The following BICDL1 variants were observed in gnomAD, a reference collection of about 807,000 sequenced individuals.
BICDL1 encodes BICD family-like cargo adapter 1.
Under a neutral mutation model 76.8 loss-of-function variants are expected in BICDL1, and 20 were observed. That is an observed-to-expected ratio of 0.26 (90% CI 0.18 to 0.38). The LOEUF (loss-of-function observed/expected upper bound fraction) is 0.38. BICDL1 is among the 10% of genes least tolerant of loss of function. BICDL1 has a pLI of 1.00. For missense variants in BICDL1, 700 were observed against 798.6 expected (o/e 0.88, Z 1.49); for synonymous variants, 383 against 337.1 (o/e 1.14, Z -1.49).
intron 2 of BICDL1, among the ~76,000 whole-genome samples, chr12:120,016,235 C>T (rs1423025054): frequency 1.3e-5 from 2 of 152,082 alleles, no homozygotes; most frequent in African/African-American, 4.8e-5. Context: ...ATAATAGTTC[C>T]TTTTTTAGTA....
Position 120,093,105 on chromosome 12 carries a change from GA to G in BICDL1, c.1811del (p.Asp604ValfsTer57). ...LCRGHSAGRGDEPSIAEGKRL... is the reference protein window; with the variant it reads ...LCRGHSAGRGXEPSIAEGKRL... Reference sequence around the variant, plus strand: ...CAGGGGCCACAGCGCTGGGCGGGGGGATGAGCCCAGCATCGCTGAAGGCAAA... The same window carrying G: ...CAGGGGCCACAGCGCTGGGCGGGGGGTGAGCCCAGCATCGCTGAAGGCAAA... On this transcript the variant is annotated frameshift_variant, in exon 10 of 10. Transcript: ENST00000548673. LOFTEE classifies it high-confidence loss of function. 1 of 1,590,832 alleles carries G rather than the reference GA, an allele frequency of 6.3e-7. No individual in the cohort carries two copies. Among genetic ancestry groups the G allele is most frequent in the South Asian group, 1.1e-5 (1 of 90,696 alleles).
At chr12:119,991,625 T>A (rs931940374) in intron 1 of BICDL1, among the ~76,000 whole-genome samples, 13 of 152,218 alleles carry the variant, frequency 8.5e-5, no homozygotes, top group Non-Finnish European at 1.8e-4. Flanking sequence ...CTTTTTTTTT[T>A]ATAAAGAGAT....
chr12:120,082,920 A>C (rs1298587659), intron 8 of BICDL1, among the ~76,000 whole-genome samples: 1 of 151,662 alleles, frequency 6.6e-6, no homozygotes, highest in African/African-American at 2.4e-5. Flanking sequence ...TCACTCTGTC[A>C]CCCATGCTCA....
At chr12:120,047,935 C>T (rs7312971) in intron 2 of BICDL1, among the ~76,000 whole-genome samples, 33,279 of 152,028 alleles carry the variant, frequency 0.22, 3,931 homozygotes, top group East Asian at 0.4. Flanking sequence ...TTATATCTCT[C>T]ATAGGGACAT....
intron 2 of BICDL1, among the ~76,000 whole-genome samples, chr12:120,021,210 G>T (rs1462565434): frequency 6.6e-6 from 1 of 152,036 alleles, no homozygotes; most frequent in Admixed American, 6.6e-5. Flanking sequence ...CTTGAACCCA[G>T]AAGGCAGAGG....
chr12:120,067,885 C>T (rs1872768735), intron 4 of BICDL1, among the ~76,000 whole-genome samples: 1 of 152,152 alleles, frequency 6.6e-6, no homozygotes. Context: ...TGAGTCTCCT[C>T]AAAACTGGGG....
intron 2 of BICDL1, among the ~76,000 whole-genome samples, chr12:120,033,984 C>G (rs1054258843): frequency 2.0e-5 from 3 of 152,130 alleles, no homozygotes; most frequent in African/African-American, 7.2e-5. Flanking sequence ...ATGGAGTGTT[C>G]AGGCATTGGC....
At chr12:120,015,322 A>G (rs1032920061) in intron 2 of BICDL1, among the ~76,000 whole-genome samples, 1 of 152,198 alleles carries the variant, frequency 6.6e-6, no homozygotes, top group South Asian at 2.1e-4. Flanking sequence ...AAGAAAGGGC[A>G]TGGCATTCAA....
chr12:120,069,651 A>G (rs1416579782), intron 4 of BICDL1, among the ~76,000 whole-genome samples: 4 of 151,802 alleles, frequency 2.6e-5, no homozygotes, highest in Non-Finnish European at 5.9e-5. Context: ...TCCCGTTTCC[A>G]CCTCCGGCTC....
intron 2 of BICDL1, among the ~76,000 whole-genome samples, chr12:120,010,992 T>C (rs916838457): frequency 6.6e-6 from 1 of 152,210 alleles, no homozygotes; most frequent in Non-Finnish European, 1.5e-5. Context: ...TACAGTTTTA[T>C]TCGTTAATAC....
chr12:120,024,969 C>T (rs143259945), intron 2 of BICDL1, among the ~76,000 whole-genome samples: 3 of 152,086 alleles, frequency 2.0e-5, no homozygotes, highest in East Asian at 1.9e-4. Flanking sequence ...CGAGCCACCG[C>T]ACCCAGCCAA....
intron 1 of BICDL1, 32 bp downstream of exon 1, chr12:119,990,329 G>A: frequency 6.5e-7 from 1 of 1,545,882 alleles, no homozygotes; most frequent in South Asian, 1.2e-5. Flanking sequence ...TGGGTGGGGA[G>A]CAGGGGCCGC....
At chr12:120,025,655 A>G (rs1952284228) in intron 2 of BICDL1, among the ~76,000 whole-genome samples, 1 of 152,168 alleles carries the variant, frequency 6.6e-6, no homozygotes, top group South Asian at 2.1e-4. Flanking sequence ...TTAAATATGT[A>G]CAGGTTACCA....
rs553448218 is a variant in BICDL1 at position 120,081,136 on chromosome 12, C to T, written c.1583+119C>T. On this transcript the variant is annotated intron_variant, in intron 8 of 9. Coordinates refer to ENST00000548673, the MANE Select transcript of BICDL1 (RefSeq NM_001367886.1). ...AATACAAAGGTAAAAGTTAGTTTCC[C>T]CGCTACCCACCCCCACCCCCACCCC... The T allele has an allele frequency of 5.8e-5, 58 of 1,004,806 alleles. No homozygotes were observed. In the African/African-American group the frequency reaches 8.9e-4, roughly 15 times the overall value. The allele number at this position is 1,004,806 out of a possible 1,614,324, so 62.2% of individuals were successfully genotyped here. A position where few individuals can be genotyped will look rare whatever the true frequency, so the allele number is the denominator to read the frequency against.
intron 5 of BICDL1, 24 bp from the exon 6 acceptor site, chr12:120,072,487 G>A (rs1418745440): frequency 6.2e-7 from 1 of 1,610,986 alleles, no homozygotes; most frequent in Non-Finnish European, 8.5e-7. Flanking sequence ...AGTCTGAAAT[G>A]AATAGTAATT....
intron 1 of BICDL1, among the ~76,000 whole-genome samples, chr12:119,996,132 C>T (rs1189882275): frequency 6.6e-6 from 1 of 152,072 alleles, no homozygotes; most frequent in Non-Finnish European, 1.5e-5. Context: ...TATAATGTGT[C>T]TTTTTCAACA....
At position 120,045,934 on chromosome 12, in the gene BICDL1, T is replaced by A. The variant is rs894335663; in HGVS notation, c.646-15776T>A. 3.5e-5 allele frequency among the ~76,000 whole-genome samples: 5 copies of A among 141,784 alleles called. No homozygotes were observed. The East Asian group carries it at 7.7e-4, about 22-fold the overall frequency. The allele number at this position is 141,784 out of a possible 152,430, so 93.0% of individuals were successfully genotyped here. A position where few individuals can be genotyped will look rare whatever the true frequency, so the allele number is the denominator to read the frequency against. On this transcript the variant is annotated intron_variant, in intron 2 of 9. Transcript: ENST00000548673. Reference sequence around the variant, plus strand: ...TAAAGTATTATAATAATAATAATAATAAAAAGAAAGTATAAACATTTCACA... The same window carrying A: ...TAAAGTATTATAATAATAATAATAAAAAAAAGAAAGTATAAACATTTCACA...
Position 120,093,688 on chromosome 12 carries a change from C to G in BICDL1, c.*527C>G, listed in dbSNP as rs528865452. ...AAAGGAGAGATGGCAGCCCCTCCCC[C>G]GCATGCATGCACCTCAGCTGGCAGG... On this transcript the variant is annotated 3_prime_UTR_variant, in exon 10 of 10. Transcript: ENST00000548673. 1 of 172,332 alleles carries G rather than the reference C, an allele frequency of 5.8e-6. No homozygotes were observed. Among genetic ancestry groups the G allele is most frequent in the Admixed American group, 5.5e-5 (1 of 18,024 alleles). The allele number at this position is 172,332 out of a possible 1,614,324, so 10.7% of individuals were successfully genotyped here.
chr12:120,016,968 C>T (rs1053007390), intron 2 of BICDL1, among the ~76,000 whole-genome samples: 17 of 152,192 alleles, frequency 1.1e-4, no homozygotes, highest in Non-Finnish European at 1.5e-5. Flanking sequence ...TCTCGGCTCA[C>T]TGCAAGCTCT....
Sources: allele counts gnomAD v4.1 joint callset (sites outside exome capture counted in the v4.1 genomes callset), GRCh38; gene constraint gnomAD v4.1.1; transcripts MANE v1.5; gene names NCBI Gene and HGNC (gene_info 2026-07-23, HGNC 2026-07-21).